The following THNSL1 variants were observed in gnomAD, a reference collection of about 807,000 sequenced individuals.
The protein encoded by THNSL1 is threonine synthase-like 1.
A neutral mutation model predicts 50.4 loss-of-function variants in THNSL1; 48 were observed. That is an observed-to-expected ratio of 0.95 (90% CI 0.76 to 1.21). The LOEUF is 1.21. Ranked by LOEUF, THNSL1 falls within the 50% of genes most tolerant of loss-of-function variation. THNSL1 has a pLI of 0.00. For missense variants in THNSL1, 896 were observed against 871.7 expected, an observed-to-expected ratio of 1.03 and a Z score of -0.35; for synonymous variants, 309 against 306.1, an observed-to-expected ratio of 1.01 and a Z score of -0.10.
the THNSL1 span, among the ~76,000 whole-genome samples, chr10:24,970,237 T>A: frequency 0.021 from 3,200 of 152,292 alleles, 110 homozygotes; most frequent in African/African-American, 0.073. Context: ...AGGAACAATT[T>A]TTTTTCCCCA....
chr10:24,952,687 G>A, the THNSL1 span: 1 of 863,894 alleles, frequency 1.2e-6, no homozygotes, highest in Admixed American at 2.3e-5. The surrounding 1 kb of genome is among the most constrained non-coding windows in gnomAD (Gnocchi z 5.1). Flanking sequence ...GACGGGGACG[G>A]GGACGGGGAC....
Position 25,024,947 on chromosome 10 carries a change from A to T in THNSL1, c.1724A>T (p.His575Leu), listed in dbSNP as rs565199033. 1.9e-6 allele frequency: 3 copies of T among 1,614,120 alleles called. No homozygotes were observed. Among genetic ancestry groups the T allele is most frequent in the Non-Finnish European group, 2.5e-6 (3 of 1,180,034 alleles). ...CTCAAATCTTCAAACCTAGAACGACATTTACACTTGATGGCTAATAAAGAT... is the reference window on the plus strand; with the variant it reads ...CTCAAATCTTCAAACCTAGAACGACTTTTACACTTGATGGCTAATAAAGAT... ...DILKSSNLER[H>L]LHLMANKDGQ... The change falls in exon 3 of 3, where the codon CAT becomes CTT. Residue 575 changes from histidine to leucine, a missense_variant. Coordinates refer to ENST00000376356, the MANE Select transcript of THNSL1 (RefSeq NM_024838.5).
At chr10:24,995,590 C>T in the THNSL1 span, 1 of 1,423,016 alleles carries the variant, frequency 7.0e-7, no homozygotes, top group Middle Eastern at 2.0e-4. Flanking sequence ...TCATCATGAA[C>T]ACCATATTTA....
At chr10:25,003,100 CTA>C in the THNSL1 span, among the ~76,000 whole-genome samples, 7 of 151,974 alleles carry the variant, frequency 4.6e-5, no homozygotes, top group Non-Finnish European at 1.0e-4. Context: ...AAATTAAAAT[CTA>C]TGTCTCCTCC....
In THNSL1 at chr10:25,024,290, A is replaced by C. The variant is rs1196562715; in HGVS notation, c.1067A>C (p.Gln356Pro). The C allele has an allele frequency of 9.9e-6, 16 of 1,614,222 alleles. No individual in the cohort carries two copies. The highest frequency in any genetic ancestry group is 1.4e-5 in the Non-Finnish European group (16 of 1,180,030). ...GGATCATTTAAAGATTTGTCTTTACAGCTTATGCCTCATATTTTTGCACAC... is the reference window on the plus strand; with the variant it reads ...GGATCATTTAAAGATTTGTCTTTACCGCTTATGCCTCATATTTTTGCACAC... The part of the protein sequence containing the change: ...PTGSFKDLSL[Q>P]LMPHIFAHCI... Residue 356 changes from glutamine (Q) to proline (P), a missense_variant, in exon 3 of 3, where the codon CAG (glutamine) becomes CCG (proline). Gln to Pro is a moderately conservative substitution (Grantham distance 76). Coordinates refer to ENST00000376356, the MANE Select transcript of THNSL1 (RefSeq NM_024838.5).
chr10:24,984,635 C>T, the THNSL1 span: 3 of 1,140,806 alleles, frequency 2.6e-6, no homozygotes, highest in Middle Eastern at 2.9e-4. Context: ...TTTTTATTCT[C>T]TTCATAGTAT....
upstream of THNSL1, among the ~76,000 whole-genome samples, chr10:25,012,057 A>C (rs763751031): frequency 4.6e-5 from 7 of 152,232 alleles, no homozygotes; most frequent in Admixed American, 1.3e-4. Context: ...AAAAGGGGAC[A>C]ACGTAGAGCT....
At chr10:24,989,550 A>G in the THNSL1 span, among the ~76,000 whole-genome samples, 2 of 152,184 alleles carry the variant, frequency 1.3e-5, no homozygotes. Flanking sequence ...GATCCATAGT[A>G]CCTCTCACTA....
At chr10:24,959,755 T>C in the THNSL1 span, among the ~76,000 whole-genome samples, 4 of 152,164 alleles carry the variant, frequency 2.6e-5, no homozygotes, top group Non-Finnish European at 5.9e-5. Flanking sequence ...TATTATGAAA[T>C]GTTTAAATTT....
At chr10:24,973,635 A>T in the THNSL1 span, among the ~76,000 whole-genome samples, 1 of 152,220 alleles carries the variant, frequency 6.6e-6, no homozygotes, top group Non-Finnish European at 1.5e-5. Context: ...ATACATGAAA[A>T]AAATTGTATC....
the THNSL1 span, among the ~76,000 whole-genome samples, chr10:24,977,594 T>C: frequency 2.6e-5 from 4 of 152,150 alleles, no homozygotes; most frequent in Non-Finnish European, 5.9e-5. Context: ...TTCAACACCA[T>C]GTATCCACAA....
the THNSL1 span, among the ~76,000 whole-genome samples, chr10:24,991,716 C>T: frequency 1.3e-5 from 2 of 152,304 alleles, no homozygotes; most frequent in South Asian, 4.1e-4. Context: ...ACGTGTGATC[C>T]AATTCTTCAA....
the THNSL1 span, among the ~76,000 whole-genome samples, chr10:25,009,997 G>A: frequency 6.6e-6 from 1 of 152,154 alleles, no homozygotes; most frequent in Admixed American, 6.5e-5. Context: ...AGTAGAGTGG[G>A]ATGCTGCTAT....
At chr10:24,972,649 A>G in the THNSL1 span, among the ~76,000 whole-genome samples, 2 of 152,202 alleles carry the variant, frequency 1.3e-5, no homozygotes, top group Non-Finnish European at 2.9e-5. Flanking sequence ...TGATTGTCTT[A>G]GGAGGAAAGA....
the THNSL1 span, chr10:24,999,418 TC>T: frequency 9.3e-6 from 15 of 1,608,856 alleles, no homozygotes; most frequent in Non-Finnish European, 1.3e-5. Flanking sequence ...TAGAGTTTTT[TC>T]CTTTGAATGT....
intron 1 of THNSL1, among the ~76,000 whole-genome samples, chr10:25,019,128 A>G (rs1376678834): frequency 6.6e-6 from 1 of 152,208 alleles, no homozygotes; most frequent in East Asian, 1.9e-4. Flanking sequence ...TTAGTTCTCC[A>G]TATCTGTGAA....
the THNSL1 span, among the ~76,000 whole-genome samples, chr10:24,958,193 T>TA: frequency 9.2e-4 from 138 of 149,388 alleles, no homozygotes; most frequent in African/African-American, 1.8e-3. Context: ...GAAAGTAAAT[T>TA]AAAAAAAAAA....
At position 25,026,433 on chromosome 10, in the gene THNSL1, C is replaced by T. The variant is rs1850853283; in HGVS notation, c.*978C>T. ...AAAATTAAGAGTACTTGAGTAGTCT[C>T]AATAGGAGTGTATTTGTAGACAGCA... On this transcript the variant is annotated 3_prime_UTR_variant, in exon 3 of 3. Coordinates refer to ENST00000376356, the MANE Select transcript of THNSL1 (RefSeq NM_024838.5). The T allele has an allele frequency of 6.0e-6, 1 of 167,022 alleles. No individual in the cohort carries two copies. 10.3% of individuals were successfully genotyped at this position (167,022 alleles called of 1,614,324 possible).
At chr10:25,016,572 G>A (rs1248026946), upstream of THNSL1, 1 of 151,330 alleles carries the variant, frequency 6.6e-6, no homozygotes, top group East Asian at 1.9e-4. Flanking sequence ...AGTGAGAAAG[G>A]AGAGTCACGT....
Sources: gnomAD v4.1 joint callset for allele counts (sites outside exome capture counted in the v4.1 genomes callset) on GRCh38, gnomAD v4.1.1 for gene constraint, Gnocchi (gnomAD v3.1) non-coding constraint, MANE v1.5 for transcripts, NCBI Gene and HGNC (gene_info 2026-07-23, HGNC 2026-07-21) for gene names.